ALCAM: variants seen among roughly 807,000 people sequenced by gnomAD.
ALCAM encodes the protein activated leukocyte cell adhesion molecule.
A neutral mutation model predicts 70.9 loss-of-function variants in ALCAM; 30 were observed. The observed-to-expected ratio is 0.42, with a 90% CI of 0.32 to 0.57. The LOEUF (loss-of-function observed/expected upper bound fraction) is 0.57. ALCAM is among the 20% of genes least tolerant of loss of function. The pLI is 0.11. For synonymous variants in ALCAM, 249 were observed against 242.5 expected (o/e 1.03, Z -0.25); for missense variants, 591 against 695.1 (o/e 0.85, Z 1.68).
intron 1 of ALCAM, among the ~76,000 whole-genome samples, chr3:105,506,709 A>G (rs1022006366): frequency 3.9e-5 from 6 of 152,232 alleles, no homozygotes; most frequent in Non-Finnish European, 8.8e-5. Context: ...GAGTGTCATT[A>G]TCTCCCTAAG....
intron 14 of ALCAM, among the ~76,000 whole-genome samples, chr3:105,568,011 G>A (rs1940779984): frequency 6.6e-6 from 1 of 151,266 alleles, no homozygotes; most frequent in Non-Finnish European, 1.5e-5. Context: ...TCTGTCTTAG[G>A]ATGAATGTCT....
At chr3:105,550,327 C>A (rs1410527307) in intron 12 of ALCAM, 68 bp downstream of exon 12, 1 of 1,454,042 alleles carries the variant, frequency 6.9e-7, no homozygotes, top group East Asian at 2.3e-5. Flanking sequence ...AGTTTAAAAT[C>A]TTCAATTCCA....
In ALCAM at chr3:105,402,693, G is replaced by A. The variant is rs183269627; in HGVS notation, c.73+35212G>A. ...CCCCTTGGAATGTAACTCCATTGGA[G>A]TTATAACTGCACCCCCATCCCCCAT... is the stretch of plus-strand genomic sequence containing the variant. On this transcript the variant is annotated intron_variant, in intron 1 of 15. Transcript: ENST00000306107. Among the ~76,000 whole-genome samples the A allele has an allele frequency of 8.5e-4, 129 of 152,150 alleles. 1 individual carries two copies. Among genetic ancestry groups the A allele is most frequent in the East Asian group, 9.7e-4 (5 of 5,152 alleles).
At chr3:105,401,593 A>G (rs761019773) in intron 1 of ALCAM, among the ~76,000 whole-genome samples, 5 of 152,230 alleles carry the variant, frequency 3.3e-5, no homozygotes, top group Non-Finnish European at 5.9e-5. Context: ...ACTAAGATAG[A>G]TAGAGTCCTT....
intron 1 of ALCAM, among the ~76,000 whole-genome samples, chr3:105,412,641 T>G (rs1317132315): frequency 2.6e-5 from 4 of 152,102 alleles, no homozygotes; most frequent in Non-Finnish European, 5.9e-5. Context: ...CAGTTTTAAG[T>G]GTTATGCTCT....
chr3:105,507,581 G>GT (rs202060672), intron 1 of ALCAM, among the ~76,000 whole-genome samples: 2,276 of 151,948 alleles, frequency 0.015, 25 homozygotes, highest in Middle Eastern at 0.041. Context: ...GTCCCTTCGT[G>GT]TTTTTTTCAT....
intron 1 of ALCAM, among the ~76,000 whole-genome samples, chr3:105,368,098 C>T (rs1935117543): frequency 6.6e-6 from 1 of 151,870 alleles, no homozygotes; most frequent in African/African-American, 2.4e-5. Context: ...AGGGTGACCG[C>T]AGGCAGATAA....
In ALCAM at chr3:105,514,278, C is replaced by T. The variant is rs1034811419; in HGVS notation, c.74-5789C>T. ...ATATTTGATGCATGATTGAATGATT[C>T]GATGATTTTTGAGATAGGCCTTAAA... On this transcript the variant is annotated intron_variant, in intron 1 of 15. Transcript: ENST00000306107. Among the ~76,000 whole-genome samples the T allele has an allele frequency of 2.6e-5, 4 of 151,712 alleles. No individual in the cohort carries two copies. In the East Asian group the frequency reaches 5.8e-4, roughly 22 times the overall value.
intron 1 of ALCAM, among the ~76,000 whole-genome samples, chr3:105,417,943 CT>C (rs78382547): frequency 1.0e-4 from 15 of 149,940 alleles, no homozygotes; most frequent in Admixed American, 4.7e-4. Context: ...AATGAATATT[CT>C]TTTTTTTTGG....
chr3:105,471,571 T>A (rs1280203697), intron 1 of ALCAM, among the ~76,000 whole-genome samples: 1 of 149,606 alleles, frequency 6.7e-6, no homozygotes, highest in Non-Finnish European at 1.5e-5. Context: ...GCTGATCAGC[T>A]GCGAAGTAAT....
At chr3:105,381,281 C>G (rs953122229) in intron 1 of ALCAM, among the ~76,000 whole-genome samples, 2 of 151,914 alleles carry the variant, frequency 1.3e-5, no homozygotes, top group African/African-American at 4.8e-5. Flanking sequence ...CCAACTGATT[C>G]ACATAGATAT....
At chr3:105,412,610 T>C (rs899415989) in intron 1 of ALCAM, among the ~76,000 whole-genome samples, 1 of 152,120 alleles carries the variant, frequency 6.6e-6, no homozygotes, top group Non-Finnish European at 1.5e-5. Flanking sequence ...ATATTGTTTC[T>C]TTTACACGTG....
chr3:105,418,722 G>A (rs1303872114), intron 1 of ALCAM, among the ~76,000 whole-genome samples: 2 of 151,666 alleles, frequency 1.3e-5, no homozygotes, highest in African/African-American at 2.4e-5. Flanking sequence ...AGTAAAATGA[G>A]GGGTGAAATA....
intron 1 of ALCAM, among the ~76,000 whole-genome samples, chr3:105,453,705 A>C (rs1937488359): frequency 6.6e-6 from 1 of 152,176 alleles, no homozygotes; most frequent in South Asian, 2.1e-4. Context: ...ATCCATGAGG[A>C]TGGAATGATT....
At chr3:105,554,619 A>G (rs1466263155) in intron 14 of ALCAM, among the ~76,000 whole-genome samples, 1 of 151,992 alleles carries the variant, frequency 6.6e-6, no homozygotes. Context: ...CTCAATGAAC[A>G]TTTTACCTAT....
intron 2 of ALCAM, 103 bp from the exon 3 acceptor site, chr3:105,524,186 T>C: frequency 1.0e-6 from 1 of 962,696 alleles, no homozygotes; most frequent in Non-Finnish European, 1.5e-6. Context: ...AGACAAAAAA[T>C]ATAGATATTG....
At chr3:105,552,703 C>T in intron 14 of ALCAM, 118 bp downstream of exon 14, 1 of 1,545,206 alleles carries the variant, frequency 6.5e-7, no homozygotes, top group South Asian at 1.2e-5. Context: ...AAGATGTATC[C>T]CCAAATCAGG....
At chr3:105,493,834 T>C (rs1938656490) in intron 1 of ALCAM, among the ~76,000 whole-genome samples, 1 of 152,220 alleles carries the variant, frequency 6.6e-6, no homozygotes, top group Non-Finnish European at 1.5e-5. Context: ...ATTTCTGATG[T>C]ACCAGGCTCT....
intron 1 of ALCAM, among the ~76,000 whole-genome samples, chr3:105,488,356 A>T (rs1384821006): frequency 6.6e-6 from 1 of 152,168 alleles, no homozygotes; most frequent in Non-Finnish European, 1.5e-5. Context: ...GGATGCCACC[A>T]GCCTGAATAT....
Sources: gnomAD v4.1 joint callset for allele counts (sites outside exome capture counted in the v4.1 genomes callset) on GRCh38, gnomAD v4.1.1 for gene constraint, MANE v1.5 for transcripts, NCBI Gene and HGNC (gene_info 2026-07-23, HGNC 2026-07-21) for gene names.